SLC25A48: variants seen among roughly 807,000 people sequenced by gnomAD.
SLC25A48 encodes the protein solute carrier family 25 member 48, also known as CTC-321K16.1.
SLC25A48 carries 29 observed loss-of-function variants against 32.2 expected under a neutral mutation model. The ratio of observed to expected loss-of-function variants is 0.90; its 90% confidence interval spans 0.67 to 1.23. SLC25A48 has a LOEUF of 1.23. SLC25A48 is among the 50% of genes most tolerant of loss of function. SLC25A48 has a pLI of 0.00. For synonymous variants in SLC25A48, 164 were observed against 172.3 expected, an observed-to-expected ratio of 0.95 and a Z score of 0.38; for missense variants, 399 against 422.7, an observed-to-expected ratio of 0.94 and a Z score of 0.49.
chr5:135,832,024 T>G (rs1758225626), upstream of SLC25A48, among the ~76,000 whole-genome samples: 1 of 152,116 alleles, frequency 6.6e-6, no homozygotes, highest in African/African-American at 2.4e-5. Context: ...GAGGATGGCA[T>G]CCAAGGTTCT....
At chr5:135,718,143 G>A (rs975127716) in intron 3 of SLC25A48, among the ~76,000 whole-genome samples, 1 of 152,018 alleles carries the variant, frequency 6.6e-6, no homozygotes, top group South Asian at 2.1e-4. Flanking sequence ...GGGTAGCTGG[G>A]ACTACAGGTG....
intron 3 of SLC25A48, among the ~76,000 whole-genome samples, chr5:135,798,784 A>C (rs1757249188): frequency 6.6e-6 from 1 of 151,196 alleles, no homozygotes; most frequent in South Asian, 2.1e-4. Context: ...TACATCCCTC[A>C]CACATGATAT....
intron 3 of SLC25A48, among the ~76,000 whole-genome samples, chr5:135,782,400 C>T (rs7380492): frequency 0.51 from 59,350 of 115,432 alleles, 22,748 homozygotes; most frequent in Middle Eastern, 0.7. Flanking sequence ...ATATCACCCC[C>T]AATACCGCAG....
intron 3 of SLC25A48, among the ~76,000 whole-genome samples, chr5:135,683,653 A>G (rs902207295): frequency 6.6e-6 from 1 of 152,170 alleles, no homozygotes; most frequent in African/African-American, 2.4e-5. Flanking sequence ...GCTTCCTAGG[A>G]ATGGACCTGA....
At chr5:135,766,381 C>T (rs1349187072) in intron 3 of SLC25A48, among the ~76,000 whole-genome samples, 1 of 151,560 alleles carries the variant, frequency 6.6e-6, no homozygotes, top group Non-Finnish European at 1.5e-5. Flanking sequence ...ATATTACTCC[C>T]CATGTCGGTG....
intron 3 of SLC25A48, among the ~76,000 whole-genome samples, chr5:135,683,835 C>T (rs1753956743): frequency 6.6e-6 from 1 of 152,116 alleles, no homozygotes; most frequent in Admixed American, 6.6e-5. Flanking sequence ...GGAATCATTC[C>T]CCATTCCCAG....
chr5:135,796,983 AC>A lies in SLC25A48; in HGVS notation c.-520-15533del, dbSNP rs139605520. Among the ~76,000 whole-genome samples the A allele has an allele frequency of 2.6e-5, 4 of 151,244 alleles. No individual in the cohort carries two copies. In the East Asian group the frequency reaches 7.8e-4, roughly 29 times the overall value. ...TCTCCCAATATCAAGGGTGGTTTTC[AC>A]CCCCCCATGATATTGTTTCTAATAT... On this transcript the variant is annotated intron_variant, in intron 3 of 10. Transcript: ENST00000646290.
chr5:135,589,650 A>C (rs978807305), intron 1 of SLC25A48, among the ~76,000 whole-genome samples: 1 of 152,216 alleles, frequency 6.6e-6, no homozygotes, highest in African/African-American at 2.4e-5. Context: ...TATTGCAAAA[A>C]GGGAAGATTT....
intron 3 of SLC25A48, among the ~76,000 whole-genome samples, chr5:135,753,322 A>T (rs1169143540): frequency 6.6e-6 from 1 of 152,032 alleles, no homozygotes. Flanking sequence ...ATGCATAATA[A>T]CAGAGAGTTA....
intron 1 of SLC25A48, among the ~76,000 whole-genome samples, chr5:135,582,244 T>C (rs993306433): frequency 6.6e-5 from 10 of 152,184 alleles, no homozygotes; most frequent in African/African-American, 2.4e-4. Flanking sequence ...GCACCCACTG[T>C]GTCCCAGGCG....
At chr5:135,721,003 C>A (rs1754937793) in intron 3 of SLC25A48, among the ~76,000 whole-genome samples, 2 of 151,656 alleles carry the variant, frequency 1.3e-5, no homozygotes, top group Admixed American at 6.6e-5. Context: ...CAGAGGGAGA[C>A]CTGGCTAGAG....
chr5:135,584,305 G>A (rs908805392), intron 1 of SLC25A48, among the ~76,000 whole-genome samples: 7 of 152,146 alleles, frequency 4.6e-5, no homozygotes, highest in East Asian at 1.9e-4. Context: ...TTCCGAAGAG[G>A]GCCCTAACAT....
At chr5:135,794,451 C>T (rs904607482) in intron 3 of SLC25A48, among the ~76,000 whole-genome samples, 2 of 151,970 alleles carry the variant, frequency 1.3e-5, no homozygotes, top group Middle Eastern at 3.4e-3. Context: ...GATATTGTTC[C>T]TAATATCTTT....
intron 3 of SLC25A48, among the ~76,000 whole-genome samples, chr5:135,757,386 CA>C (rs1755940470): frequency 6.7e-6 from 1 of 148,264 alleles, no homozygotes; most frequent in Non-Finnish European, 1.5e-5. Context: ...ATCTATATGA[CA>C]TTTATAATGT....
chr5:135,674,396 A>G (rs1029919703), intron 3 of SLC25A48, among the ~76,000 whole-genome samples: 3 of 152,180 alleles, frequency 2.0e-5, no homozygotes, highest in Admixed American at 6.5e-5. Flanking sequence ...AACTAATGGT[A>G]TGTCTGTACC....
chr5:135,644,820 A>G (rs1051109934), intron 3 of SLC25A48, among the ~76,000 whole-genome samples: 3 of 152,176 alleles, frequency 2.0e-5, no homozygotes, highest in Non-Finnish European at 4.4e-5. Flanking sequence ...GTTGACAGTG[A>G]GGCTGCCACC....
chr5:135,696,441 G>A (rs1754268680), intron 3 of SLC25A48, among the ~76,000 whole-genome samples: 1 of 152,228 alleles, frequency 6.6e-6, no homozygotes, highest in Admixed American at 6.5e-5. Flanking sequence ...AAGGAAGAGA[G>A]AGACAGTCCT....
At chr5:135,699,404 GAA>G (rs11385297) in intron 3 of SLC25A48, among the ~76,000 whole-genome samples, 1 of 148,278 alleles carries the variant, frequency 6.7e-6, no homozygotes, top group Admixed American at 6.7e-5. Flanking sequence ...ATTACGCTGG[GAA>G]AAAAAAAAAG....
At chr5:135,833,134 G>T (rs1274539650), upstream of SLC25A48, among the ~76,000 whole-genome samples, 1 of 152,226 alleles carries the variant, frequency 6.6e-6, no homozygotes, top group Non-Finnish European at 1.5e-5. Flanking sequence ...ACTTCCCTGG[G>T]TGATGCGCCC....
Sources: gnomAD v4.1 joint callset for allele counts (sites outside exome capture counted in the v4.1 genomes callset) on GRCh38, gnomAD v4.1.1 for gene constraint, MANE v1.5 for transcripts, NCBI Gene and HGNC (gene_info 2026-07-23, HGNC 2026-07-21) for gene names.